STAG1: variants seen among roughly 807,000 people sequenced by gnomAD.
STAG1 encodes STAG1 cohesin complex component, also known as cohesin subunit SA-1.
STAG1 carries 26 observed loss-of-function variants against 170.9 expected under a neutral mutation model. The ratio of observed to expected loss-of-function variants is 0.15; its 90% CI spans 0.11 to 0.21. STAG1 has a LOEUF of 0.21. Among genes scored for constraint, STAG1 ranks in the 10% least tolerant of loss-of-function variants. The pLI is 1.00. For synonymous variants in STAG1, 514 were observed against 497.7 expected, an observed-to-expected ratio of 1.03 and a Z score of -0.44; for missense variants, 964 against 1,509.5, an observed-to-expected ratio of 0.64 and a Z score of 5.99.
At chr3:136,520,531 C>A (rs1934620255) in intron 7 of STAG1, among the ~76,000 whole-genome samples, 1 of 151,930 alleles carries the variant, frequency 6.6e-6, no homozygotes, top group Non-Finnish European at 1.5e-5. Context: ...ACAGTTAAAG[C>A]AGTGACGGAA....
At position 136,529,442 on chromosome 3, in the gene STAG1, CA is replaced by C. The variant is rs376025304; in HGVS notation, c.472-8026del. ...ATCAGACTACCAGTAAATTTCTCAG[CA>C]GAAACCTTATAGGACCAGAGAGAAT... On this transcript the variant is annotated intron_variant, in intron 6 of 33. Transcript: ENST00000383202. 7.0e-3 allele frequency among the ~76,000 whole-genome samples: 1,065 copies of C among 152,238 alleles called. 15 individuals carry two copies. Among genetic ancestry groups the C allele is most frequent in the African/African-American group, 0.024 (984 of 41,540 alleles).
chr3:136,471,160 C>T (rs904288885), intron 12 of STAG1, among the ~76,000 whole-genome samples: 4 of 150,192 alleles, frequency 2.7e-5, no homozygotes, highest in African/African-American at 4.9e-5. Flanking sequence ...CAGGAGTTAG[C>T]AGTTTTAATG....
rs34807246 is a variant in STAG1, at chr3:136,452,059, G to A, written c.1402C>T (p.Leu468=). 7.8e-3 allele frequency: 12,575 copies of A among 1,611,052 alleles called. 77 individuals are homozygous for A. Among genetic ancestry groups the A allele is most frequent in the Non-Finnish European group, 9.1e-3 (10,740 of 1,178,586 alleles). ...TCACTTTCAAGAAAGAAAAGAACCA[G>A]CATCCTAATGAGGTTTCCATTCGGG... ...NSPNGNLIRM[L]VLFFLESELH... Residue 468 remains leucine, a synonymous_variant, in exon 14 of 34, where the codon CTG becomes TTG. Transcript: ENST00000383202.
intron 1 of STAG1, among the ~76,000 whole-genome samples, chr3:136,694,299 C>G (rs1437083504): frequency 6.6e-6 from 1 of 152,064 alleles, no homozygotes; most frequent in East Asian, 1.9e-4. Context: ...TGGTCTCCCA[C>G]AGGCACATGA....
At chr3:136,510,618 T>G (rs1329444401) in intron 7 of STAG1, among the ~76,000 whole-genome samples, 2 of 151,154 alleles carry the variant, frequency 1.3e-5, no homozygotes, top group African/African-American at 4.9e-5. Flanking sequence ...TCTTTGTTTT[T>G]TTTTTTTTTT....
chr3:136,631,368 C>T (rs1940322475), intron 1 of STAG1, among the ~76,000 whole-genome samples: 1 of 152,078 alleles, frequency 6.6e-6, no homozygotes, highest in Admixed American at 6.6e-5. Flanking sequence ...AACTATGGAG[C>T]CAGTAAAAGA....
chr3:136,598,254 GGTTTGCT>G (rs1938515455), intron 4 of STAG1, among the ~76,000 whole-genome samples: 1 of 151,786 alleles, frequency 6.6e-6, no homozygotes, highest in East Asian at 1.9e-4. Context: ...AGTAATGTTA[GGTTTGCT>G]GTTTTTCTTT....
chr3:136,711,633 G>A (rs564105744), intron 1 of STAG1, among the ~76,000 whole-genome samples: 1 of 152,240 alleles, frequency 6.6e-6, no homozygotes, highest in East Asian at 1.9e-4. Context: ...AAATGAGGCA[G>A]TGATATTGGT....
At chr3:136,591,427 C>A in intron 4 of STAG1, 3 of 189,738 alleles carry the variant, frequency 1.6e-5, no homozygotes, top group Non-Finnish European at 1.1e-5. Flanking sequence ...CTGGGCTTGG[C>A]GTCATGGCCA....
At chr3:136,345,644 A>G (rs1288544420) in intron 29 of STAG1, among the ~76,000 whole-genome samples, 1 of 152,132 alleles carries the variant, frequency 6.6e-6, no homozygotes, top group Non-Finnish European at 1.5e-5. Context: ...CTTCTTAAAA[A>G]GTATTACTGC....
chr3:136,621,199 C>T (rs1182439073), intron 3 of STAG1, among the ~76,000 whole-genome samples: 1 of 151,842 alleles, frequency 6.6e-6, no homozygotes, highest in South Asian at 2.1e-4. Flanking sequence ...CAGGTTCTAA[C>T]GAATTATACA....
At chr3:136,738,978 T>C (rs1934503996) in intron 1 of STAG1, among the ~76,000 whole-genome samples, 1 of 152,028 alleles carries the variant, frequency 6.6e-6, no homozygotes, top group African/African-American at 2.4e-5. Context: ...ATCTTAAAAA[T>C]GAGAAAATCG....
At chr3:136,465,117 C>T (rs916232695) in intron 12 of STAG1, 129 bp from the exon 13 acceptor site, 8 of 568,492 alleles carry the variant, frequency 1.4e-5, no homozygotes, top group Non-Finnish European at 2.3e-5. Flanking sequence ...TTTTATCTTA[C>T]TTTGAAAGTA....
chr3:136,499,578 A>G (rs1000109072), intron 9 of STAG1, among the ~76,000 whole-genome samples: 1 of 152,350 alleles, frequency 6.6e-6, no homozygotes, highest in East Asian at 1.9e-4. Flanking sequence ...GGTAACAAGT[A>G]TATGTATATG....
intron 6 of STAG1, among the ~76,000 whole-genome samples, chr3:136,525,060 T>C (rs557145882): frequency 5.9e-5 from 9 of 152,008 alleles, no homozygotes; most frequent in Non-Finnish European, 1.3e-4. Context: ...AGTTCTCTTT[T>C]TTTGTTATGT....
chr3:136,700,960 C>T (rs1253934049), intron 1 of STAG1, among the ~76,000 whole-genome samples: 1 of 138,208 alleles, frequency 7.2e-6, no homozygotes, highest in Non-Finnish European at 1.5e-5. Context: ...TGGCTCAATG[C>T]AACCTCGACC....
At chr3:136,404,372 C>T (rs2087419873) in intron 21 of STAG1, among the ~76,000 whole-genome samples, 1 of 152,110 alleles carries the variant, frequency 6.6e-6, no homozygotes, top group Non-Finnish European at 1.5e-5. Flanking sequence ...GTGTATTGCA[C>T]ATTTCTAGGC....
chr3:136,584,770 T>C (rs1937724390), intron 4 of STAG1, among the ~76,000 whole-genome samples: 1 of 152,182 alleles, frequency 6.6e-6, no homozygotes, highest in Admixed American at 6.5e-5. Flanking sequence ...GCTTTTAACT[T>C]TCTTAATTAT....
chr3:136,733,884 G>A (rs1934180150), intron 1 of STAG1, among the ~76,000 whole-genome samples: 1 of 152,120 alleles, frequency 6.6e-6, no homozygotes. Flanking sequence ...AAGGCGGGCG[G>A]ATCACAAGGT....
Sources: gnomAD v4.1 joint callset for allele counts (sites outside exome capture counted in the v4.1 genomes callset) on GRCh38, gnomAD v4.1.1 for gene constraint, MANE v1.5 for transcripts, NCBI Gene and HGNC (gene_info 2026-07-23, HGNC 2026-07-21) for gene names.